CHODL: variants seen among roughly 807,000 people sequenced by gnomAD.
CHODL encodes the protein chondrolectin.
In CHODL, 29 loss-of-function variants were observed where a neutral mutation model predicts 34.5. The observed-to-expected ratio is 0.84, with a 90% CI of 0.63 to 1.15. CHODL has a LOEUF of 1.15. CHODL is among the 50% of genes most tolerant of loss of function. The pLI is 0.00. For missense variants in CHODL, 332 were observed against 332.5 expected (o/e 1.00, Z 0.01); for synonymous variants, 125 against 116.1 (o/e 1.08, Z -0.49).
At chr21:18,075,926 C>T (rs1032428955) in intron 2 of CHODL, among the ~76,000 whole-genome samples, 12 of 152,082 alleles carry the variant, frequency 7.9e-5, no homozygotes, top group East Asian at 1.9e-4. Context: ...TTCTACCACC[C>T]GAGGACACAG....
At chr21:18,007,649 C>T (rs982756212) in intron 1 of CHODL, among the ~76,000 whole-genome samples, 4 of 152,094 alleles carry the variant, frequency 2.6e-5, no homozygotes, top group African/African-American at 9.7e-5. Context: ...CCAGGAACTC[C>T]CTAAATCGAA....
intron 1 of CHODL, among the ~76,000 whole-genome samples, chr21:17,951,650 A>G (rs1466509289): frequency 1.3e-5 from 2 of 152,260 alleles, no homozygotes; most frequent in African/African-American, 4.8e-5. Context: ...TATAAAATAG[A>G]ACAAAATTGA....
At chr21:18,251,397 TATA>T (rs567497229) in intron 1 of CHODL, among the ~76,000 whole-genome samples, 34 of 93,754 alleles carry the variant, frequency 3.6e-4, no homozygotes, top group African/African-American at 1.1e-3. Flanking sequence ...TGTTTTAATA[TATA>T]AAATATGTAT....
chr21:18,033,676 T>C (rs941607064), intron 2 of CHODL, among the ~76,000 whole-genome samples: 4 of 151,976 alleles, frequency 2.6e-5, no homozygotes, highest in African/African-American at 9.7e-5. Flanking sequence ...GTCAAAGTTA[T>C]GTTATGGGTA....
intron 1 of CHODL, among the ~76,000 whole-genome samples, chr21:18,248,518 T>C (rs951292447): frequency 1.3e-4 from 19 of 148,208 alleles, no homozygotes; most frequent in Non-Finnish European, 4.5e-5. Context: ...TTTATGGTTT[T>C]GTTTTATAAC....
rs546012549 is a variant in CHODL at position 17,972,400 on chromosome 21, C to T, written c.-145+55000C>T. ...TTGTATATTTAGAAAACCCCATTGT[C>T]TCAGCCCAAAATCTCCTTAAGCTGA... On this transcript the variant is annotated intron_variant, in intron 1 of 6. Transcript: ENST00000400127. Among the ~76,000 whole-genome samples the T allele has an allele frequency of 1.0e-3, 159 of 152,302 alleles. 1 individual carries two copies. Among genetic ancestry groups the T allele is most frequent in the African/African-American group, 3.8e-3 (156 of 41,566 alleles).
intron 2 of CHODL, among the ~76,000 whole-genome samples, chr21:18,228,034 G>A (rs1021143798): frequency 2.0e-5 from 3 of 152,124 alleles, no homozygotes; most frequent in Non-Finnish European, 2.9e-5. Flanking sequence ...TTGACTGGAT[G>A]GGAACCAACC....
chr21:18,260,248 C>T lies in CHODL; in HGVS notation c.596C>T (p.Pro199Leu). ...PVEKPYLTNQ[P>L]GDTHQNVVVT... The stretch of plus-strand genomic sequence containing the variant: ...GAAAAGCCTTATCTTACAAATCAAC[C>T]AGGAGACACCCATCAGAATGTGGTT... Residue 199 changes from proline (P) to leucine (L), a missense_variant, in exon 4 of 6, where the codon CCA becomes CTA. By Grantham distance (98) the Pro-to-Leu change is moderately conservative. Transcript: ENST00000299295. 6.3e-7 allele frequency: 1 copy of T among 1,581,942 alleles called. No homozygotes were observed. The highest frequency in any genetic ancestry group is 1.2e-5 in the South Asian group (1 of 84,644).
At chr21:17,967,845 C>T (rs1600841826) in intron 1 of CHODL, among the ~76,000 whole-genome samples, 1 of 152,032 alleles carries the variant, frequency 6.6e-6, no homozygotes, top group South Asian at 2.1e-4. Context: ...ACTATGTGCC[C>T]AACAATATCC....
At chr21:18,246,054 T>A (rs897552193) in intron 1 of CHODL, 2 of 885,818 alleles carry the variant, frequency 2.3e-6, no homozygotes, top group African/African-American at 1.7e-5. Flanking sequence ...TTGATTTTTC[T>A]TTTTTTGACT....
intron 2 of CHODL, among the ~76,000 whole-genome samples, chr21:18,235,253 G>A (rs974334827): frequency 3.3e-5 from 5 of 152,116 alleles, no homozygotes; most frequent in Non-Finnish European, 7.4e-5. Context: ...CTTTAGAGCA[G>A]ATGAATATGT....
At chr21:18,080,739 C>G (rs1395904387) in intron 2 of CHODL, among the ~76,000 whole-genome samples, 2 of 152,118 alleles carry the variant, frequency 1.3e-5, no homozygotes, top group African/African-American at 4.8e-5. Context: ...GTCACTATAG[C>G]TTAGTAGTAT....
chr21:18,095,578 A>G (rs1323115209), intron 2 of CHODL, among the ~76,000 whole-genome samples: 1 of 152,178 alleles, frequency 6.6e-6, no homozygotes, highest in African/African-American at 2.4e-5. Flanking sequence ...TCAAACATTT[A>G]AAGAAAAGCT....
At chr21:18,173,868 T>TA (rs1043801368) in intron 2 of CHODL, among the ~76,000 whole-genome samples, 6 of 150,354 alleles carry the variant, frequency 4.0e-5, no homozygotes, top group East Asian at 1.9e-4. Context: ...AAGGCTAAAT[T>TA]AAAAAAAAAT....
intron 1 of CHODL, 74 bp downstream of exon 1, chr21:18,245,376 CGGGCGGAGG>C: frequency 7.8e-7 from 1 of 1,281,408 alleles, no homozygotes; most frequent in Non-Finnish European, 1.0e-6. Flanking sequence ...AGCCTGTTCT[CGGGCGGAGG>C]CTCTCCGGGG....
At chr21:17,930,506 G>A (rs1201756882) in intron 1 of CHODL, among the ~76,000 whole-genome samples, 1 of 152,210 alleles carries the variant, frequency 6.6e-6, no homozygotes, top group Admixed American at 6.5e-5. Flanking sequence ...CTGCCTGAGT[G>A]GTCTGCCTGC....
At chr21:18,092,967 T>A (rs919651232) in intron 2 of CHODL, among the ~76,000 whole-genome samples, 3 of 151,954 alleles carry the variant, frequency 2.0e-5, no homozygotes, top group Admixed American at 6.6e-5. Flanking sequence ...GAGAAAGATA[T>A]CAACATTCAA....
chr21:18,132,967 C>T (rs73200975), intron 2 of CHODL, among the ~76,000 whole-genome samples: 10,514 of 151,920 alleles, frequency 0.069, 399 homozygotes, highest in Middle Eastern at 0.12. Context: ...CTATGACTCT[C>T]GAGTCTTTGA....
intron 2 of CHODL, among the ~76,000 whole-genome samples, chr21:18,065,637 T>G (rs1476931226): frequency 1.3e-5 from 2 of 152,152 alleles, no homozygotes; most frequent in African/African-American, 2.4e-5. Context: ...CAGAGCATCA[T>G]CATATTAAAA....
Sources: allele counts gnomAD v4.1 joint callset (sites outside exome capture counted in the v4.1 genomes callset), GRCh38; gene constraint gnomAD v4.1.1; transcripts MANE v1.5; gene names NCBI Gene and HGNC (gene_info 2026-07-23, HGNC 2026-07-21).